CIMAP1D: variants seen among roughly 807,000 people sequenced by gnomAD.
The protein encoded by CIMAP1D is protein CIMAP1D.
the CIMAP1D span, chr19:463,805 C>T: frequency 2.1e-5 from 31 of 1,468,366 alleles, no homozygotes; most frequent in Middle Eastern, 4.6e-4. Context: ...AGGAGAGGCC[C>T]GCCAGCCCCC....
the CIMAP1D span, among the ~76,000 whole-genome samples, chr19:477,174 C>T: frequency 2.0e-5 from 3 of 152,312 alleles, no homozygotes; most frequent in East Asian, 5.8e-4. Context: ...TGCCACTGCA[C>T]TCCAGCCTAG....
chr19:474,725 G>T, the CIMAP1D span: 1 of 1,544,778 alleles, frequency 6.5e-7, no homozygotes, highest in Non-Finnish European at 8.7e-7. Context: ...CCGTGGGGTG[G>T]AGTCGCAGCT....
chr19:467,633 T>G, the CIMAP1D span: 10 of 1,563,936 alleles, frequency 6.4e-6, no homozygotes, highest in South Asian at 1.1e-4. Context: ...TGCGGCTGCT[T>G]GGCTCCAGTA....
At chr19:480,819 G>A in the CIMAP1D span, among the ~76,000 whole-genome samples, 1 of 125,380 alleles carries the variant, frequency 8.0e-6, no homozygotes, top group Admixed American at 7.4e-5. Context: ...GAAGGATGAT[G>A]GGGAAGGATG....
the CIMAP1D span, among the ~76,000 whole-genome samples, chr19:476,344 C>T: frequency 7.9e-5 from 12 of 151,848 alleles, no homozygotes; most frequent in South Asian, 4.2e-4. Context: ...TGAGCCACCG[C>T]GCCCAGCCAA....
chr19:477,685 C>T, the CIMAP1D span, among the ~76,000 whole-genome samples: 10 of 152,278 alleles, frequency 6.6e-5, no homozygotes, highest in African/African-American at 1.9e-4. Context: ...ATTTTTGACA[C>T]GGAGTCTCGC....
the CIMAP1D span, among the ~76,000 whole-genome samples, chr19:481,594 G>T: frequency 6.6e-6 from 1 of 151,130 alleles, no homozygotes; most frequent in Non-Finnish European, 1.5e-5. Context: ...GGAGAAGGAT[G>T]ATGGGAAGGA....
At chr19:489,994 C>A in the CIMAP1D span, 3 of 398,402 alleles carry the variant, frequency 7.5e-6, no homozygotes, top group Admixed American at 8.8e-5. Flanking sequence ...AGCGGGAGCC[C>A]CACGTCCGGC....
the CIMAP1D span, among the ~76,000 whole-genome samples, chr19:479,571 AT>A: frequency 3.3e-3 from 398 of 121,866 alleles, 4 homozygotes; most frequent in East Asian, 0.024. Flanking sequence ...CGCCCGGCTA[AT>A]TTTTGTATTT....
the CIMAP1D span, chr19:463,858 C>T: frequency 1.9e-5 from 30 of 1,608,936 alleles, no homozygotes; most frequent in African/African-American, 2.1e-4. Context: ...CAGCAGCGGC[C>T]GGGCAGCCTG....
At chr19:466,861 T>G in the CIMAP1D span, among the ~76,000 whole-genome samples, 1 of 81,824 alleles carries the variant, frequency 1.2e-5, no homozygotes, top group Non-Finnish European at 2.4e-5. Context: ...GGTGGGTGGA[T>G]GGATGAGTGG....
At chr19:467,871 GC>G in the CIMAP1D span, 4 of 682,264 alleles carry the variant, frequency 5.9e-6, no homozygotes, top group Non-Finnish European at 1.0e-5. Flanking sequence ...CAGGTCAGAG[GC>G]CACCCCAGTC....
At chr19:486,420 C>CTGATTGAT in the CIMAP1D span, among the ~76,000 whole-genome samples, 10,484 of 151,850 alleles carry the variant, frequency 0.069, 682 homozygotes, top group East Asian at 0.2. Flanking sequence ...CCTTGGACCA[C>CTGATTGAT]TGATTGATTG....
the CIMAP1D span, among the ~76,000 whole-genome samples, chr19:491,180 G>A: frequency 1.3e-5 from 2 of 151,798 alleles, no homozygotes; most frequent in African/African-American, 4.8e-5. Flanking sequence ...AGGAGGCTCA[G>A]GCGGGAGAAT....
chr19:473,191 C>T, the CIMAP1D span, among the ~76,000 whole-genome samples: 1,409 of 54,486 alleles, frequency 0.026, 82 homozygotes, highest in African/African-American at 0.092. Flanking sequence ...CAGAGATACA[C>T]GGTCACAGAT....
chr19:485,518 G>A, the CIMAP1D span, among the ~76,000 whole-genome samples: 3 of 152,194 alleles, frequency 2.0e-5, no homozygotes, highest in Non-Finnish European at 4.4e-5. Flanking sequence ...CCACCATCCA[G>A]GCTGGCGCGA....
chr19:479,337 G>A, the CIMAP1D span, among the ~76,000 whole-genome samples: 3 of 148,312 alleles, frequency 2.0e-5, no homozygotes. Flanking sequence ...AAGGGCTGTA[G>A]AAGCTCAGGA....
chr19:479,764 C>T, the CIMAP1D span, among the ~76,000 whole-genome samples: 101 of 149,096 alleles, frequency 6.8e-4, no homozygotes, highest in Non-Finnish European at 1.0e-3. Flanking sequence ...TCTCGATCTC[C>T]TGACCTTGTG....
the CIMAP1D span, among the ~76,000 whole-genome samples, chr19:471,188 G>A: frequency 1.3e-5 from 2 of 152,026 alleles, no homozygotes; most frequent in African/African-American, 2.4e-5. Context: ...TCGCTCTGTC[G>A]CCCAGGCTGG....
Sources: gnomAD v4.1 joint callset for allele counts (sites outside exome capture counted in the v4.1 genomes callset) on GRCh38, gnomAD v4.1.1 for gene constraint, MANE v1.5 for transcripts, NCBI Gene and HGNC (gene_info 2026-07-23, HGNC 2026-07-21) for gene names.